Variants in TULP4 observed in about 807,000 individuals in gnomAD.
The protein encoded by TULP4 is TUB like protein 4.
A neutral mutation model predicts 129.0 loss-of-function variants in TULP4; 16 were observed. The observed-to-expected ratio is 0.12, with a 90% CI of 0.08 to 0.19. The LOEUF (loss-of-function observed/expected upper bound fraction) is 0.19. TULP4 is among the 10% of genes least tolerant of loss of function. TULP4 has a pLI of 1.00. For synonymous variants in TULP4, 998 were observed against 854.0 expected, an observed-to-expected ratio of 1.17 and a Z score of -2.94; for missense variants, 1,842 against 2,059.1, an observed-to-expected ratio of 0.89 and a Z score of 2.04.
chr6:158,385,865 G>GTTTTTTTTTTTTTTTTTTTTTTT (rs1777436712), intron 1 of TULP4, among the ~76,000 whole-genome samples: 1 of 20,904 alleles, frequency 4.8e-5, no homozygotes, highest in African/African-American at 2.0e-4. Flanking sequence ...TTTTTTTTGA[G>GTTTTTTTTTTTTTTTTTTTTTTT]AAAAAGTCTC....
chr6:158,403,867 C>A (rs749406435), intron 1 of TULP4, among the ~76,000 whole-genome samples: 1 of 152,126 alleles, frequency 6.6e-6, no homozygotes, highest in Non-Finnish European at 1.5e-5. Context: ...GCGTGTGTGG[C>A]GTCTTTACAT....
chr6:158,447,951 G>A (rs576882561), intron 3 of TULP4, among the ~76,000 whole-genome samples: 1 of 152,330 alleles, frequency 6.6e-6, no homozygotes, highest in African/African-American at 2.4e-5. Flanking sequence ...AAACTGCAGA[G>A]ACCATCACAC....
At chr6:158,504,208 G>T in intron 13 of TULP4, 30 bp downstream of exon 13, 1 of 1,490,634 alleles carries the variant, frequency 6.7e-7, no homozygotes, top group African/African-American at 1.4e-5. Flanking sequence ...GGCGCTGCGA[G>T]CCCAGGAGGC....
At chr6:158,238,715 C>T (rs1177992050) in intron 1 of TULP4, among the ~76,000 whole-genome samples, 1 of 96,642 alleles carries the variant, frequency 1.0e-5, no homozygotes, top group East Asian at 2.8e-4. Flanking sequence ...GTGGACACAG[C>T]ACATGTTTCA....
intron 5 of TULP4, among the ~76,000 whole-genome samples, chr6:158,454,997 TC>T (rs1201894792): frequency 6.6e-6 from 1 of 151,466 alleles, no homozygotes; most frequent in Non-Finnish European, 1.5e-5. Flanking sequence ...AAAGTAGCCC[TC>T]CCAAATGTGA....
chr6:158,270,090 A>G (rs1422706159), intron 1 of TULP4, among the ~76,000 whole-genome samples: 1 of 152,272 alleles, frequency 6.6e-6, no homozygotes, highest in Non-Finnish European at 1.5e-5. Context: ...TCTACTCTGT[A>G]GCAGTAAGAC....
chr6:158,300,122 G>A (rs1016217474), intron 1 of TULP4, among the ~76,000 whole-genome samples: 2 of 152,188 alleles, frequency 1.3e-5, no homozygotes, highest in Non-Finnish European at 2.9e-5. Context: ...GGTCTCTGAC[G>A]CAGACGTCTC....
At chr6:158,320,375 T>C (rs1203715529) in intron 1 of TULP4, among the ~76,000 whole-genome samples, 1 of 152,044 alleles carries the variant, frequency 6.6e-6, no homozygotes, top group South Asian at 2.1e-4. Context: ...CTTACAGATA[T>C]TGTAGATGTC....
chr6:158,347,095 C>T (rs1319555071), intron 1 of TULP4, among the ~76,000 whole-genome samples: 3 of 152,126 alleles, frequency 2.0e-5, no homozygotes, highest in African/African-American at 4.8e-5. Flanking sequence ...TCCGTACTTG[C>T]CTGCACTTTG....
intron 6 of TULP4, among the ~76,000 whole-genome samples, chr6:158,470,005 T>A (rs1221389551): frequency 6.6e-6 from 1 of 152,030 alleles, no homozygotes. Flanking sequence ...AGGAATGGAA[T>A]CTTGGGCCAT....
intron 9 of TULP4, among the ~76,000 whole-genome samples, chr6:158,492,230 C>T (rs1363482244): frequency 6.6e-6 from 1 of 152,168 alleles, no homozygotes; most frequent in African/African-American, 2.4e-5. Flanking sequence ...ACGTGGCATT[C>T]TTCTTTTGTG....
At chr6:158,339,218 A>G (rs1236559786) in intron 1 of TULP4, among the ~76,000 whole-genome samples, 1 of 152,208 alleles carries the variant, frequency 6.6e-6, no homozygotes, top group African/African-American at 2.4e-5. Flanking sequence ...GATGCCCCCG[A>G]GCCGTAAAAC....
intron 1 of TULP4, among the ~76,000 whole-genome samples, chr6:158,321,241 C>G (rs964773675): frequency 6.6e-6 from 1 of 152,098 alleles, no homozygotes; most frequent in African/African-American, 2.4e-5. Context: ...ACACCAGGCT[C>G]TCCTGGTTTT....
At chr6:158,341,957 C>T (rs954871098) in intron 1 of TULP4, among the ~76,000 whole-genome samples, 4 of 152,136 alleles carry the variant, frequency 2.6e-5, no homozygotes, top group African/African-American at 7.2e-5. Context: ...CTTGCTCTGT[C>T]GCCCAGGCTG....
chr6:158,443,445 G>A (rs558782074), intron 3 of TULP4, among the ~76,000 whole-genome samples: 13 of 152,216 alleles, frequency 8.5e-5, no homozygotes, highest in African/African-American at 3.1e-4. Flanking sequence ...TGGTTCTGTA[G>A]TCAGACTATT....
upstream of TULP4, among the ~76,000 whole-genome samples, chr6:158,278,949 T>G (rs1778695139): frequency 1.3e-5 from 2 of 149,454 alleles, no homozygotes; most frequent in African/African-American, 2.5e-5. Flanking sequence ...TTGTTTTTTT[T>G]TTTTTTTTGA....
chr6:158,263,881 G>A (rs1435040987), intron 1 of TULP4, among the ~76,000 whole-genome samples: 3 of 151,990 alleles, frequency 2.0e-5, no homozygotes, highest in African/African-American at 7.3e-5. Context: ...TGGCCAACAT[G>A]GTGAAATCTC....
chr6:158,464,503 A>C (rs1288042992), intron 6 of TULP4, among the ~76,000 whole-genome samples: 1 of 152,180 alleles, frequency 6.6e-6, no homozygotes, highest in African/African-American at 2.4e-5. Context: ...CCGCCGCAAG[A>C]CGGAGGTCTT....
upstream of TULP4, chr6:158,232,207 G>C (rs1021612024): frequency 1.3e-5 from 2 of 148,596 alleles, no homozygotes; most frequent in African/African-American, 2.4e-5. Context: ...AGACTCGGCC[G>C]AGACGCGGGG....
Sources: gnomAD v4.1 joint callset for allele counts (sites outside exome capture counted in the v4.1 genomes callset) on GRCh38, gnomAD v4.1.1 for gene constraint, MANE v1.5 for transcripts, NCBI Gene and HGNC (gene_info 2026-07-23, HGNC 2026-07-21) for gene names.